PIBF1: variants seen among roughly 807,000 people sequenced by gnomAD.
The protein encoded by PIBF1 is progesterone immunomodulatory binding factor 1, also known as progesterone-induced-blocking factor 1.
Under a neutral mutation model 112.5 loss-of-function variants are expected in PIBF1, and 90 were observed. That is an observed-to-expected ratio of 0.80 (90% CI 0.67 to 0.95). The LOEUF (loss-of-function observed/expected upper bound fraction) is 0.95, where lower values mean the gene tolerates loss of function less well. PIBF1 is among the 40% of genes least tolerant of loss of function. PIBF1 has a pLI of 0.00. For synonymous variants in PIBF1, 301 were observed against 288.6 expected, an observed-to-expected ratio of 1.04 and a Z score of -0.44; for missense variants, 915 against 852.3, an observed-to-expected ratio of 1.07 and a Z score of -0.92.
chr13:72,989,693 G>A (rs1004663522), intron 16 of PIBF1, among the ~76,000 whole-genome samples: 3 of 152,104 alleles, frequency 2.0e-5, no homozygotes, highest in Non-Finnish European at 4.4e-5. Context: ...TTTTAAAATT[G>A]ACTGGTAATT....
At chr13:72,806,797 T>C (rs1417723688) in intron 5 of PIBF1, among the ~76,000 whole-genome samples, 1 of 152,188 alleles carries the variant, frequency 6.6e-6, no homozygotes, top group Admixed American at 6.5e-5. Flanking sequence ...TCCAAGTCTT[T>C]GCTATTGTGA....
chr13:72,956,797 T>C (rs1480245800), intron 14 of PIBF1, among the ~76,000 whole-genome samples: 1 of 152,140 alleles, frequency 6.6e-6, no homozygotes, highest in Non-Finnish European at 1.5e-5. Context: ...CCAGTGAGTA[T>C]AAGAATCATC....
intron 5 of PIBF1, among the ~76,000 whole-genome samples, chr13:72,816,656 G>A (rs2036286920): frequency 7.3e-6 from 1 of 137,424 alleles, no homozygotes; most frequent in South Asian, 2.3e-4. Context: ...GTGAGACCCT[G>A]TCTCAAAAAA....
intron 9 of PIBF1, among the ~76,000 whole-genome samples, chr13:72,842,410 A>G (rs906067468): frequency 6.6e-6 from 1 of 152,230 alleles, no homozygotes; most frequent in African/African-American, 2.4e-5. Flanking sequence ...GATGCTTTTA[A>G]GTGCAACAAT....
At chr13:72,795,185 G>T (rs1424339804) in intron 3 of PIBF1, among the ~76,000 whole-genome samples, 174 bp from the exon 4 acceptor site, 1 of 152,068 alleles carries the variant, frequency 6.6e-6, no homozygotes, top group Non-Finnish European at 1.5e-5. Context: ...GTATGGAATT[G>T]TCATTTCATA....
At chr13:72,973,285 T>TA (rs11369773) in intron 15 of PIBF1, among the ~76,000 whole-genome samples, 14,694 of 134,902 alleles carry the variant, frequency 0.11, 2,232 homozygotes, top group African/African-American at 0.35. Context: ...TCCATCTCTT[T>TA]AAAAAAAAGA....
At chr13:72,802,336 T>C (rs2035526949) in intron 5 of PIBF1, among the ~76,000 whole-genome samples, 1 of 152,192 alleles carries the variant, frequency 6.6e-6, no homozygotes, top group Admixed American at 6.5e-5. Flanking sequence ...TAATGTTTTT[T>C]AAAGAAAGTT....
At chr13:72,801,756 G>A (rs1165390475) in intron 5 of PIBF1, among the ~76,000 whole-genome samples, 1 of 152,124 alleles carries the variant, frequency 6.6e-6, no homozygotes, top group Non-Finnish European at 1.5e-5. Context: ...CGCAGTTCTG[G>A]CATATTATTT....
At chr13:72,807,733 T>G (rs1220490945) in intron 5 of PIBF1, among the ~76,000 whole-genome samples, 3 of 152,190 alleles carry the variant, frequency 2.0e-5, no homozygotes, top group African/African-American at 7.2e-5. Context: ...ATGAATGTGT[T>G]TTCTTTTTAA....
intron 12 of PIBF1, among the ~76,000 whole-genome samples, chr13:72,912,160 A>G (rs897965753): frequency 6.6e-6 from 1 of 152,326 alleles, no homozygotes; most frequent in East Asian, 1.9e-4. Flanking sequence ...AACCAGCCCT[A>G]CAAAGCATTG....
chr13:72,838,523 T>C (rs1293647601), intron 9 of PIBF1, among the ~76,000 whole-genome samples: 2 of 152,214 alleles, frequency 1.3e-5, no homozygotes, highest in African/African-American at 2.4e-5. Context: ...GGGTCCCTCA[T>C]GGTCAGAACA....
rs117485984 is a variant in PIBF1, at chr13:72,964,310, C to T, written c.1834-964C>T. On this transcript the variant is annotated intron_variant, in intron 14 of 17. Transcript: ENST00000326291. ...ATTCACAGAGACAGAAAGTAAGATACAGGTTTCTAGGGCCAGGAGGGAGGA... is the reference window on the plus strand; with the variant it reads ...ATTCACAGAGACAGAAAGTAAGATATAGGTTTCTAGGGCCAGGAGGGAGGA... Among the ~76,000 whole-genome samples the T allele has an allele frequency of 8.5e-3, 1,297 of 152,148 alleles. 66 individuals are homozygous for T. Among genetic ancestry groups the T allele is most frequent in the East Asian group, 9.5e-3 (49 of 5,176 alleles).
intron 13 of PIBF1, among the ~76,000 whole-genome samples, chr13:72,930,592 A>C (rs1221962304): frequency 2.6e-5 from 4 of 152,228 alleles, no homozygotes; most frequent in African/African-American, 9.6e-5. Context: ...AATGCAGAGC[A>C]TCAGAGGGAG....
intron 14 of PIBF1, among the ~76,000 whole-genome samples, chr13:72,932,920 A>T (rs2041753830): frequency 6.6e-6 from 1 of 152,070 alleles, no homozygotes; most frequent in African/African-American, 2.4e-5. Flanking sequence ...CTTTGTGTGG[A>T]TGTACCAGTT....
At chr13:72,789,955 A>G (rs1265039805) in intron 2 of PIBF1, among the ~76,000 whole-genome samples, 1 of 152,182 alleles carries the variant, frequency 6.6e-6, no homozygotes, top group African/African-American at 2.4e-5. Context: ...TGTTTATTTT[A>G]CATTTTATAT....
intron 10 of PIBF1, among the ~76,000 whole-genome samples, chr13:72,871,684 T>C (rs2039172353): frequency 1.3e-5 from 2 of 152,100 alleles, no homozygotes; most frequent in Admixed American, 1.3e-4. Flanking sequence ...TCTGGAAAAA[T>C]AGGTTGGAGC....
intron 15 of PIBF1, 22 bp from the exon 16 acceptor site, chr13:72,973,569 A>G: frequency 7.5e-7 from 1 of 1,333,412 alleles, no homozygotes; most frequent in Non-Finnish European, 1.1e-6. Context: ...TGACTTTTTA[A>G]AACTGGGGTT....
At position 72,798,024 on chromosome 13, in the gene PIBF1, G is replaced by A. The variant is rs200888328; in HGVS notation, c.670G>A (p.Glu224Lys). Residue 224 changes from glutamate to lysine, a missense_variant and splice_region_variant, in exon 5 of 18, where the codon GAG becomes AAG. By Grantham distance (56) the Glu-to-Lys change is moderately conservative. Coordinates refer to ENST00000326291, the MANE Select transcript of PIBF1 (RefSeq NM_006346.4). ...CAAAAACCAACTGAAGCAGCTGACA[G>A]AGGTTTGTATGGTTTTGATTGCTGG... ...TNKNQLKQLT[E>K]TYEEDRKNYS... The A allele has an allele frequency of 1.9e-6, 3 of 1,599,928 alleles. No individual in the cohort carries two copies. In the Admixed American group the frequency reaches 5.3e-5, roughly 28 times the overall value.
intron 1 of PIBF1, 29 bp from the exon 2 acceptor site, chr13:72,783,394 C>T: frequency 2.1e-6 from 2 of 965,746 alleles, no homozygotes; most frequent in Non-Finnish European, 3.2e-6. Context: ...TTTTATAGTA[C>T]ATTTGAATTA....
Sources: allele counts gnomAD v4.1 joint callset (sites outside exome capture counted in the v4.1 genomes callset), GRCh38; gene constraint gnomAD v4.1.1; transcripts MANE v1.5; gene names NCBI Gene and HGNC (gene_info 2026-07-23, HGNC 2026-07-21).